CENPM: variants seen among roughly 807,000 people sequenced by gnomAD.
CENPM encodes the protein centromere protein M, also known as interphase centromere complex protein 39.
Under a neutral mutation model 19.6 loss-of-function variants are expected in CENPM, and 14 were observed. The ratio of observed to expected loss-of-function variants is 0.71; its 90% CI spans 0.47 to 1.11. The LOEUF (loss-of-function observed/expected upper bound fraction) is 1.11. Ranked by LOEUF, CENPM falls within the 50% of genes most tolerant of loss-of-function variation. The probability of loss-of-function intolerance (pLI) is 0.00; values close to 1 mark genes in which losing one functional copy is unlikely to be tolerated. For missense variants in CENPM, 239 were observed against 228.4 expected (o/e 1.05, Z -0.30); for synonymous variants, 114 against 101.5 (o/e 1.12, Z -0.74).
At chr22:41,933,755 G>A (rs549280827), downstream of CENPM, among the ~76,000 whole-genome samples, 1 of 152,180 alleles carries the variant, frequency 6.6e-6, no homozygotes. Flanking sequence ...GGAGGGGAGG[G>A]GCTAAGCCAA....
At chr22:41,933,155 A>T in the CENPM span, among the ~76,000 whole-genome samples, 1 of 152,088 alleles carries the variant, frequency 6.6e-6, no homozygotes, top group Non-Finnish European at 1.5e-5. Flanking sequence ...AGGCCCAGTG[A>T]CCAGGAAAAG....
rs1283399183 is a variant in CENPM at position 41,938,946 on chromosome 22, C to CG, written c.*109dup. The CG allele has an allele frequency of 1.4e-6, 2 of 1,425,152 alleles. No individual in the cohort carries two copies. Among genetic ancestry groups the CG allele is most frequent in the African/African-American group, 2.8e-5 (2 of 70,402 alleles). The allele number at this position is 1,425,152 out of a possible 1,614,324, so 88.3% of individuals were successfully genotyped here. ...GCACTGCAGGGAACCTTCCCAGCCA[C>CG]GGCGGGCTGAGCCTGGGCCTGTCAA... On this transcript the variant is annotated 3_prime_UTR_variant, in exon 6 of 6. Transcript: ENST00000215980.
At chr22:41,940,601 G>A (rs887512430) in intron 5 of CENPM, among the ~76,000 whole-genome samples, 1 of 152,106 alleles carries the variant, frequency 6.6e-6, no homozygotes, top group Non-Finnish European at 1.5e-5. Flanking sequence ...GGCCAGGCTG[G>A]TCTCAAACTC....
downstream of CENPM, among the ~76,000 whole-genome samples, chr22:41,933,836 G>A (rs770626075): frequency 3.9e-5 from 6 of 152,190 alleles, no homozygotes; most frequent in Non-Finnish European, 7.4e-5. Context: ...CCCCTGATGC[G>A]TGTGGGTTGG....
downstream of CENPM, among the ~76,000 whole-genome samples, chr22:41,935,710 C>T (rs2077680783): frequency 6.6e-6 from 1 of 152,182 alleles, no homozygotes; most frequent in Non-Finnish European, 1.5e-5. Flanking sequence ...GGCCTCTGCC[C>T]TCGGGCCTAT....
intron 4 of CENPM, chr22:41,944,775 G>A (rs2077779889): frequency 1.0e-6 from 1 of 999,104 alleles, no homozygotes; most frequent in Admixed American, 5.4e-5. Context: ...AAACTGCAAA[G>A]TGTTTTATGT....
chr22:41,940,265 G>A (rs2077727529), intron 5 of CENPM: 1 of 691,062 alleles, frequency 1.4e-6, no homozygotes, highest in African/African-American at 1.8e-5. Flanking sequence ...CCTGTTTGCA[G>A]GGGCGTTCCC....
At chr22:41,938,141 ATTT>A (rs11440934), downstream of CENPM, among the ~76,000 whole-genome samples, 2 of 120,060 alleles carry the variant, frequency 1.7e-5, no homozygotes, top group South Asian at 5.4e-4. Flanking sequence ...CGCGCCCAGC[ATTT>A]TTTTTTTTTT....
the CENPM span, chr22:41,928,077 G>A: frequency 6.6e-6 from 2 of 304,252 alleles, no homozygotes; most frequent in South Asian, 5.7e-5. The surrounding 1 kb of genome is among the most constrained non-coding windows in gnomAD (Gnocchi z 4.0). Context: ...AGGCTGGACT[G>A]GGGCCTTATC....
chr22:41,946,945 G>A lies in CENPM; in HGVS notation c.57+75C>T, dbSNP rs546324865. The A allele has an allele frequency of 8.2e-6, 12 of 1,469,740 alleles. No individual in the cohort carries two copies. In the African/African-American group the frequency reaches 1.7e-4, roughly 20 times the overall value. The allele number at this position is 1,469,740 out of a possible 1,614,324, so 91.0% of individuals were successfully genotyped here. ...GCGCGCTGGCTTGGCGCCTCAGAGAGCTCAGTTGACCTAGTGGCTGAAGCA... is the reference window on the plus strand; with the variant it reads ...GCGCGCTGGCTTGGCGCCTCAGAGAACTCAGTTGACCTAGTGGCTGAAGCA... On this transcript the variant is annotated intron_variant, in intron 1 of 5. Coordinates refer to ENST00000215980, the MANE Select transcript of CENPM (RefSeq NM_024053.5).
chr22:41,933,201 C>G, the CENPM span, among the ~76,000 whole-genome samples: 10 of 152,306 alleles, frequency 6.6e-5, no homozygotes, highest in South Asian at 6.2e-4. Context: ...CCGGCCGTCT[C>G]CTCCCTCAGC....
chr22:41,931,155 T>C, the CENPM span, among the ~76,000 whole-genome samples: 1 of 150,642 alleles, frequency 6.6e-6, no homozygotes, highest in African/African-American at 2.4e-5. Context: ...TACTTTTAAT[T>C]CACTGAATAC....
downstream of CENPM, among the ~76,000 whole-genome samples, chr22:41,936,287 C>T (rs895458625): frequency 1.3e-5 from 2 of 152,256 alleles, no homozygotes; most frequent in East Asian, 3.8e-4. Context: ...TGACAACGGT[C>T]TGTTTCATGA....
chr22:41,946,920 G>T, intron 1 of CENPM, 100 bp downstream of exon 1: 2 of 1,225,744 alleles, frequency 1.6e-6, no homozygotes, highest in South Asian at 1.2e-5. Context: ...CCACGGTAGC[G>T]CGCGCTGGCT....
the CENPM span, among the ~76,000 whole-genome samples, chr22:41,932,380 C>A: frequency 2.0e-4 from 30 of 152,304 alleles, no homozygotes; most frequent in East Asian, 2.7e-3. The surrounding 1 kb of genome is among the most constrained non-coding windows in gnomAD (Gnocchi z 4.3). Context: ...CCTGGCGAGT[C>A]CAGAGCAGTG....
At position 41,947,126 on chromosome 22, in the gene CENPM, A is replaced by T; in HGVS notation, c.-50T>A. The T allele has an allele frequency of 1.3e-6, 2 of 1,589,156 alleles. No homozygotes were observed. The highest frequency in any genetic ancestry group is 1.7e-6 in the Non-Finnish European group (2 of 1,161,380). ...TCCTGCGGTGCGCGCCGATCTTTCAAACCGCCCTGAGTCCAGCCCCTAGAG... is the reference window on the plus strand; with the variant it reads ...TCCTGCGGTGCGCGCCGATCTTTCATACCGCCCTGAGTCCAGCCCCTAGAG... On this transcript the variant is annotated 5_prime_UTR_variant, in exon 1 of 6. It adds an upstream start codon to the 5' untranslated region. Coordinates refer to ENST00000215980, the MANE Select transcript of CENPM (RefSeq NM_024053.5).
At chr22:41,945,093 C>T in intron 4 of CENPM, 132 bp downstream of exon 4, 1 of 1,540,634 alleles carries the variant, frequency 6.5e-7, no homozygotes, top group Non-Finnish European at 8.8e-7. Context: ...TGCCCTCCAC[C>T]CTCCGATAGG....
intron 1 of CENPM, 192 bp downstream of exon 1, chr22:41,946,828 T>C (rs1368455749): frequency 3.2e-6 from 2 of 622,816 alleles, no homozygotes; most frequent in Non-Finnish European, 5.8e-6. Flanking sequence ...CGAGCACCTA[T>C]TGGTGGGTGC....
At chr22:41,932,501 G>A in the CENPM span, among the ~76,000 whole-genome samples, 1 of 152,330 alleles carries the variant, frequency 6.6e-6, no homozygotes, top group Non-Finnish European at 1.5e-5. This position sits in a 1 kb window ranked among gnomAD's most constrained non-coding sequence, Gnocchi z 4.3. Context: ...CCTTGCCTGG[G>A]TCTTCATGGG....
Sources: allele counts gnomAD v4.1 joint callset (sites outside exome capture counted in the v4.1 genomes callset), GRCh38; gene constraint gnomAD v4.1.1; non-coding constraint Gnocchi (gnomAD v3.1); transcripts MANE v1.5; gene names NCBI Gene and HGNC (gene_info 2026-07-23, HGNC 2026-07-21).